The following PXDNL variants were observed in gnomAD, a reference collection of about 807,000 sequenced individuals.
PXDNL encodes the protein peroxidasin like, also known as probable oxidoreductase PXDNL.
In PXDNL, 145 loss-of-function variants were observed where a neutral mutation model predicts 150.8. The observed-to-expected ratio is 0.96, with a 90% CI of 0.84 to 1.10. The LOEUF (loss-of-function observed/expected upper bound fraction) is 1.10. Ranked by LOEUF, PXDNL falls within the 50% of genes least tolerant of loss-of-function variation. The pLI is 0.00. For missense variants in PXDNL, 2,087 were observed against 1,873.9 expected, an observed-to-expected ratio of 1.11 and a Z score of -2.10; for synonymous variants, 757 against 725.7, an observed-to-expected ratio of 1.04 and a Z score of -0.69.
At chr8:51,415,761 C>A (rs1808783019) in intron 14 of PXDNL, among the ~76,000 whole-genome samples, 1 of 151,828 alleles carries the variant, frequency 6.6e-6, no homozygotes, top group Admixed American at 6.6e-5. Flanking sequence ...ATAAAATGAT[C>A]GAATTAAAAT....
intron 21 of PXDNL, among the ~76,000 whole-genome samples, chr8:51,333,507 C>T (rs1222829369): frequency 6.6e-6 from 1 of 152,200 alleles, no homozygotes; most frequent in Non-Finnish European, 1.5e-5. Context: ...TCAATACTAA[C>T]ATTGAATGTA....
chr8:51,355,927 A>G (rs936075211), intron 19 of PXDNL, among the ~76,000 whole-genome samples: 1 of 152,206 alleles, frequency 6.6e-6, no homozygotes, highest in Non-Finnish European at 1.5e-5. Context: ...AAGAGTTCCT[A>G]TGTTAACTAC....
intron 2 of PXDNL, among the ~76,000 whole-genome samples, chr8:51,646,961 CA>C (rs538014254): frequency 3.7e-4 from 56 of 152,110 alleles, no homozygotes; most frequent in African/African-American, 1.3e-3. Context: ...CCTGGGAGTG[CA>C]AATGTCTATT....
rs1320342278 is a variant in PXDNL, at chr8:51,374,672, A to G, written c.3617T>C (p.Ile1206Thr). ...TGTTGGTCCCACTCTTGTACCAGGA[A>G]TCAGGTCTTCAACCATAAGGGCGGG... ...LWPALMVEDLIPGTRVGPTLM... is the reference protein window; with the variant it reads ...LWPALMVEDLTPGTRVGPTLM... Residue 1206 changes from isoleucine (I) to threonine (T), a missense_variant, in exon 18 of 23, where the codon ATT becomes ACT. Coordinates refer to ENST00000356297, the MANE Select transcript of PXDNL (RefSeq NM_144651.5). 6.2e-7 allele frequency: 1 copy of G among 1,613,848 alleles called. No individual in the cohort carries two copies. The highest frequency in any genetic ancestry group is 1.3e-5 in the African/African-American group (1 of 74,928).
intron 5 of PXDNL, among the ~76,000 whole-genome samples, chr8:51,490,510 AAGAC>A (rs1339213533): frequency 6.6e-6 from 1 of 151,864 alleles, no homozygotes; most frequent in Non-Finnish European, 1.5e-5. Context: ...TTAAATAAAG[AAGAC>A]AGGCTATCAA....
chr8:51,348,496 G>T (rs1284088360), intron 19 of PXDNL, among the ~76,000 whole-genome samples: 1 of 152,118 alleles, frequency 6.6e-6, no homozygotes, highest in African/African-American at 2.4e-5. Flanking sequence ...TTTATTCCTG[G>T]ATACTGCCAA....
chr8:51,413,128 T>C, intron 15 of PXDNL, 22 bp downstream of exon 15: 2 of 1,367,832 alleles, frequency 1.5e-6, no homozygotes, highest in South Asian at 1.2e-5. Flanking sequence ...AAGGTTTCAA[T>C]CTGTGTAAAA....
intron 1 of PXDNL, among the ~76,000 whole-genome samples, chr8:51,698,570 C>T (rs1224489490): frequency 6.6e-6 from 1 of 152,220 alleles, no homozygotes; most frequent in Non-Finnish European, 1.5e-5. Context: ...CCCTCAAAGT[C>T]ATCCATGAAA....
chr8:51,365,664 A>G (rs771563956), intron 19 of PXDNL, among the ~76,000 whole-genome samples: 7 of 152,220 alleles, frequency 4.6e-5, no homozygotes, highest in Non-Finnish European at 8.8e-5. Flanking sequence ...CAAAAACTCA[A>G]AGAAACATGT....
chr8:51,513,252 T>C (rs1182183005), intron 4 of PXDNL, among the ~76,000 whole-genome samples: 1 of 152,112 alleles, frequency 6.6e-6, no homozygotes, highest in Non-Finnish European at 1.5e-5. Flanking sequence ...GGCTGTGCAC[T>C]TGCAGGCAGG....
At chr8:51,502,708 T>G (rs1811212533) in intron 4 of PXDNL, among the ~76,000 whole-genome samples, 1 of 152,238 alleles carries the variant, frequency 6.6e-6, no homozygotes, top group East Asian at 1.9e-4. Flanking sequence ...TTGAAACAAT[T>G]TATTATAAAG....
intron 5 of PXDNL, among the ~76,000 whole-genome samples, chr8:51,494,576 T>A (rs1810995398): frequency 1.3e-5 from 2 of 151,978 alleles, no homozygotes; most frequent in Non-Finnish European, 2.9e-5. Flanking sequence ...AATAAAGGGA[T>A]GGAAGAAGAT....
chr8:51,566,344 G>T (rs1333271981), intron 3 of PXDNL, among the ~76,000 whole-genome samples: 1 of 151,624 alleles, frequency 6.6e-6, no homozygotes, highest in East Asian at 1.9e-4. Context: ...TGTTTTTCTG[G>T]AACAAATTAT....
chr8:51,644,563 C>T (rs1173516148), intron 2 of PXDNL, among the ~76,000 whole-genome samples: 1 of 150,600 alleles, frequency 6.6e-6, no homozygotes, highest in Admixed American at 6.6e-5. Flanking sequence ...AGGTTCACGC[C>T]ATTCTCCTGC....
chr8:51,330,819 A>G (rs1391193937), intron 21 of PXDNL, among the ~76,000 whole-genome samples: 2 of 152,168 alleles, frequency 1.3e-5, no homozygotes, highest in Non-Finnish European at 2.9e-5. Flanking sequence ...CAAGCCTCAA[A>G]TCTCATTAAA....
intron 10 of PXDNL, among the ~76,000 whole-genome samples, chr8:51,452,194 T>C (rs1399600439): frequency 6.6e-6 from 1 of 152,198 alleles, no homozygotes; most frequent in Admixed American, 6.5e-5. Flanking sequence ...AAAACAGACA[T>C]TGAACACAAA....
At chr8:51,761,637 G>A (rs1418516823) in intron 1 of PXDNL, among the ~76,000 whole-genome samples, 1 of 152,054 alleles carries the variant, frequency 6.6e-6, no homozygotes, top group Non-Finnish European at 1.5e-5. Context: ...TTTAAACCAG[G>A]GTTTTCTGGT....
At chr8:51,701,975 T>C (rs1237373395) in intron 1 of PXDNL, among the ~76,000 whole-genome samples, 1 of 152,198 alleles carries the variant, frequency 6.6e-6, no homozygotes, top group African/African-American at 2.4e-5. Flanking sequence ...AATCAACTTA[T>C]TTTTTGTTAC....
intron 1 of PXDNL, among the ~76,000 whole-genome samples, chr8:51,744,772 GAGAA>G (rs1233940106): frequency 9.3e-5 from 12 of 128,774 alleles, no homozygotes; most frequent in African/African-American, 3.4e-4. Context: ...GAAGGAAGGA[GAGAA>G]AGAAAAGAGA....
Sources: allele counts gnomAD v4.1 joint callset (sites outside exome capture counted in the v4.1 genomes callset), GRCh38; gene constraint gnomAD v4.1.1; transcripts MANE v1.5; gene names NCBI Gene and HGNC (gene_info 2026-07-23, HGNC 2026-07-21).